PLA2G4E: variants seen among roughly 807,000 people sequenced by gnomAD.
The protein encoded by PLA2G4E is phospholipase A2 group IVE, also known as cytosolic phospholipase A2 epsilon.
In PLA2G4E, 84 loss-of-function variants were observed where a neutral mutation model predicts 109.1. That is an observed-to-expected ratio of 0.77 (90% confidence interval 0.65 to 0.92). The LOEUF (loss-of-function observed/expected upper bound fraction) is 0.92. Ranked by LOEUF, PLA2G4E falls within the 40% of genes least tolerant of loss-of-function variation. PLA2G4E has a pLI of 0.00. For synonymous variants in PLA2G4E, 469 were observed against 436.1 expected, an observed-to-expected ratio of 1.08 and a Z score of -0.94; for missense variants, 1,057 against 1,076.6, an observed-to-expected ratio of 0.98 and a Z score of 0.25.
chr15:42,000,333 C>T, intron 7 of PLA2G4E, 51 bp from the exon 8 acceptor site: 2 of 1,498,712 alleles, frequency 1.3e-6, no homozygotes, highest in Admixed American at 2.1e-5. Context: ...CACTACCCAC[C>T]TGCAACTTGG....
chr15:42,042,339 T>C (rs1889329889), intron 1 of PLA2G4E, among the ~76,000 whole-genome samples: 1 of 152,160 alleles, frequency 6.6e-6, no homozygotes, highest in Non-Finnish European at 1.5e-5. Context: ...TATTAAGGGT[T>C]CAGGAAGTTA....
intron 13 of PLA2G4E, among the ~76,000 whole-genome samples, chr15:41,992,144 C>T (rs1356207493): frequency 6.6e-6 from 1 of 152,156 alleles, no homozygotes; most frequent in Non-Finnish European, 1.5e-5. Flanking sequence ...CCCTGCAGAC[C>T]TCCAACTGTA....
At chr15:42,049,133 G>C (rs1331349757) in intron 1 of PLA2G4E, among the ~76,000 whole-genome samples, 1 of 152,208 alleles carries the variant, frequency 6.6e-6, no homozygotes, top group African/African-American at 2.4e-5. Context: ...CGGAGACAGG[G>C]AGACTGCAGA....
At chr15:42,002,840 T>G (rs1213878873) in intron 5 of PLA2G4E, 144 bp from the exon 6 acceptor site, 1 of 795,978 alleles carries the variant, frequency 1.3e-6, no homozygotes, top group Admixed American at 2.3e-5. Flanking sequence ...TCGGAAACCT[T>G]AGCCTTATAG....
intron 15 of PLA2G4E, 45 bp from the exon 16 acceptor site, chr15:41,988,201 G>A (rs966716166): frequency 1.4e-6 from 2 of 1,411,684 alleles, no homozygotes; most frequent in East Asian, 5.0e-5. Flanking sequence ...TGCAGCCCCA[G>A]GCCCCACACT....
chr15:42,006,998 AG>A (rs1200200492), intron 3 of PLA2G4E, among the ~76,000 whole-genome samples: 1 of 152,222 alleles, frequency 6.6e-6, no homozygotes, highest in African/African-American at 2.4e-5. Context: ...ATGATAGAAA[AG>A]GTATTTTAAA....
chr15:42,002,642 G>A lies in PLA2G4E; in HGVS notation c.609+12C>T. On this transcript the variant is annotated intron_variant, in intron 6 of 19. Transcript: ENST00000399518. ...GGCCTCTGGAGCTACAGGAACCCAG[G>A]AAGATAATTACCACCAGCACGCCAT... 6.3e-7 allele frequency: 1 copy of A among 1,580,620 alleles called. No individual in the cohort carries two copies. The highest frequency in any genetic ancestry group is 1.2e-5 in the South Asian group (1 of 85,914).
intron 1 of PLA2G4E, among the ~76,000 whole-genome samples, chr15:42,028,411 A>ATTTC (rs922785671): frequency 1.4e-5 from 2 of 146,652 alleles, no homozygotes; most frequent in Admixed American, 6.8e-5. Flanking sequence ...TTATTTATTT[A>ATTTC]TTTATTATTT....
At chr15:42,007,201 C>T (rs59411837) in intron 3 of PLA2G4E, among the ~76,000 whole-genome samples, 38,337 of 152,026 alleles carry the variant, frequency 0.25, 6,080 homozygotes, top group East Asian at 0.48. Context: ...TCAGGATGCT[C>T]AAAGGATAAT....
At chr15:42,007,589 G>C in intron 3 of PLA2G4E, 140 bp downstream of exon 3, 1 of 1,075,632 alleles carries the variant, frequency 9.3e-7, no homozygotes, top group South Asian at 1.6e-5. Context: ...GTGTGAGTGG[G>C]AAGACAGGTT....
chr15:41,992,698 C>T (rs1285612356), intron 13 of PLA2G4E, 39 bp downstream of exon 13: 1 of 1,584,744 alleles, frequency 6.3e-7, no homozygotes, highest in South Asian at 1.1e-5. Flanking sequence ...CAGGCATCAG[C>T]CAGGGCAGGG....
At chr15:42,010,142 C>CGCCCCCCCCG in intron 2 of PLA2G4E, 1 of 454,256 alleles carries the variant, frequency 2.2e-6, no homozygotes, top group African/African-American at 2.3e-5. Context: ...GCCCCCCCAC[C>CGCCCCCCCCG]CCGGGCCTGG....
chr15:41,995,198 C>CAA (rs1446724812), intron 12 of PLA2G4E, among the ~76,000 whole-genome samples, 162 bp downstream of exon 12: 2 of 152,272 alleles, frequency 1.3e-5, no homozygotes, highest in African/African-American at 4.8e-5. Context: ...TCCAAGGAGT[C>CAA]AAGCTGCATG....
At chr15:42,037,759 C>T (rs1337482901) in intron 1 of PLA2G4E, among the ~76,000 whole-genome samples, 3 of 152,202 alleles carry the variant, frequency 2.0e-5, no homozygotes, top group Non-Finnish European at 2.9e-5. Context: ...CCTGTGGTTC[C>T]CGGCATCTCC....
chr15:41,996,869 C>T (rs989342357), intron 11 of PLA2G4E, among the ~76,000 whole-genome samples: 4 of 152,174 alleles, frequency 2.6e-5, no homozygotes, highest in Non-Finnish European at 5.9e-5. Context: ...CCCCTTTAGC[C>T]ACAGCAGGAA....
chr15:41,987,584 A>AG (rs2068163710), intron 16 of PLA2G4E, among the ~76,000 whole-genome samples: 1 of 152,032 alleles, frequency 6.6e-6, no homozygotes, highest in Non-Finnish European at 1.5e-5. Flanking sequence ...GTAGAGAGGG[A>AG]GGGGGAGCGA....
intron 11 of PLA2G4E, among the ~76,000 whole-genome samples, chr15:41,996,089 G>A (rs1276409922): frequency 6.6e-6 from 1 of 152,094 alleles, no homozygotes; most frequent in Non-Finnish European, 1.5e-5. Flanking sequence ...GCTCACACTT[G>A]TAATCCCAGC....
chr15:41,988,101 G>A (rs749674073), exon 16 of PLA2G4E: 1 of 1,608,286 alleles, frequency 6.2e-7, no homozygotes, highest in Non-Finnish European at 8.5e-7. Context: ...CCTCCGAGGT[G>A]TGTGACAGGT....
chr15:42,013,639 C>T (rs757762170), intron 2 of PLA2G4E, 46 bp downstream of exon 2: 12 of 1,501,712 alleles, frequency 8.0e-6, no homozygotes, highest in Middle Eastern at 1.7e-4. Flanking sequence ...CCTCTTCCAT[C>T]CAGATCCGGT....
Sources: gnomAD v4.1 joint callset for allele counts (sites outside exome capture counted in the v4.1 genomes callset) on GRCh38, gnomAD v4.1.1 for gene constraint, MANE v1.5 for transcripts, NCBI Gene and HGNC (gene_info 2026-07-23, HGNC 2026-07-21) for gene names.